The following CAMSAP1 variants were observed in gnomAD, a reference collection of about 807,000 sequenced individuals.
The protein encoded by CAMSAP1 is calmodulin-regulated spectrin-associated protein 1.
Under a neutral mutation model 143.5 loss-of-function variants are expected in CAMSAP1, and 58 were observed. That is an observed-to-expected ratio of 0.40 (90% confidence interval 0.33 to 0.50). CAMSAP1 has a LOEUF of 0.50. Ranked by LOEUF, CAMSAP1 falls within the 20% of genes least tolerant of loss-of-function variation. CAMSAP1 has a pLI of 0.45. For missense variants in CAMSAP1, 1,969 were observed against 2,115.7 expected (o/e 0.93, Z 1.36); for synonymous variants, 945 against 859.3 (o/e 1.10, Z -1.74).
intron 7 of CAMSAP1, among the ~76,000 whole-genome samples, chr9:135,845,918 T>C (rs1836531251): frequency 6.6e-6 from 1 of 152,032 alleles, no homozygotes; most frequent in African/African-American, 2.4e-5. Flanking sequence ...GAAGAATCAA[T>C]ATTGTGAAAA....
At chr9:135,819,255 A>C in intron 11 of CAMSAP1, 109 bp from the exon 12 acceptor site, 1 of 1,362,624 alleles carries the variant, frequency 7.3e-7, no homozygotes, top group Non-Finnish European at 9.7e-7. Context: ...AGTTTAACGC[A>C]TAAAGACTTC....
intron 5 of CAMSAP1, among the ~76,000 whole-genome samples, chr9:135,858,600 T>C (rs184642231): frequency 1.3e-5 from 2 of 152,332 alleles, no homozygotes; most frequent in East Asian, 3.9e-4. Context: ...ACAGAACCAG[T>C]AGGACATACG....
chr9:135,818,406 A>C lies in CAMSAP1; in HGVS notation c.4168+2T>G. On this transcript the variant is annotated splice_donor_variant, in intron 13 of 16. Transcript: ENST00000389532. LOFTEE classifies it high-confidence loss of function. The surrounding 1 kb of genome is among the most constrained non-coding windows in gnomAD (Gnocchi z 7.7). ...GCCCGCGTGAGGGCCGGGGCTGCTT[A>C]CGGGTGGAGGAGCACTTGGTGCCGG... The C allele has an allele frequency of 6.4e-7, 1 of 1,573,558 alleles. No individual in the cohort carries two copies. Among genetic ancestry groups the C allele is most frequent in the Non-Finnish European group, 8.6e-7 (1 of 1,165,608 alleles).
At chr9:135,862,683 T>A in intron 4 of CAMSAP1, 75 bp from the exon 5 acceptor site, 1 of 1,438,972 alleles carries the variant, frequency 6.9e-7, no homozygotes, top group Non-Finnish European at 9.5e-7. Flanking sequence ...GGCACACTGT[T>A]AGATCGAGAA....
chr9:135,850,207 C>G lies in CAMSAP1; in HGVS notation c.975G>C (p.Glu325Asp). ...LKPNVMVFIAELFWWFENVKP... is the reference protein window; with the variant it reads ...LKPNVMVFIADLFWWFENVKP... ...TGACATTCTCGAACCACCAAAAAAG[C>G]TCCGCAATAAAAACCATAACATTCG... is the stretch of plus-strand genomic sequence containing the variant. The change falls in exon 7 of 17, where the codon GAG becomes GAC. Residue 325 changes from glutamate to aspartate, a missense_variant. By Grantham distance (45) the Glu-to-Asp change is conservative. Coordinates refer to ENST00000389532, the MANE Select transcript of CAMSAP1 (RefSeq NM_015447.4). 6.2e-7 allele frequency: 1 copy of G among 1,612,998 alleles called. No homozygotes were observed. Among genetic ancestry groups the G allele is most frequent in the Non-Finnish European group, 8.5e-7 (1 of 1,179,518 alleles).
intron 7 of CAMSAP1, among the ~76,000 whole-genome samples, chr9:135,833,122 C>T (rs549244935): frequency 6.6e-6 from 1 of 150,832 alleles, no homozygotes; most frequent in South Asian, 2.1e-4. Flanking sequence ...CGCTCTGTCG[C>T]CCAGGCTGGA....
In CAMSAP1 at chr9:135,850,186, A is replaced by G. The variant is rs1266681996; in HGVS notation, c.996T>C (p.Asn332=). The G allele has an allele frequency of 2.5e-6, 4 of 1,612,788 alleles. No homozygotes were observed. In the Middle Eastern group the frequency reaches 4.9e-4, roughly 200 times the overall value. Reference sequence around the variant, plus strand: ...TGGGCTGAACAAAATCTGGCTTGACATTCTCGAACCACCAAAAAAGCTCCG... The same window carrying G: ...TGGGCTGAACAAAATCTGGCTTGACGTTCTCGAACCACCAAAAAAGCTCCG... ...FIAELFWWFE[N]VKPDFVQPRD... Residue 332 remains asparagine, a synonymous_variant, in exon 7 of 17, where the codon AAT becomes AAC. Transcript: ENST00000389532.
intron 2 of CAMSAP1, 113 bp from the exon 3 acceptor site, chr9:135,881,907 C>T: frequency 1.6e-6 from 2 of 1,283,524 alleles, no homozygotes; most frequent in East Asian, 5.1e-5. Context: ...ATCCCTCGCC[C>T]TTTCCGTCTG....
rs1835039827 is a variant in CAMSAP1, at chr9:135,811,269, A to G, written c.*40T>C. 6.3e-7 allele frequency: 1 copy of G among 1,589,210 alleles called. No individual in the cohort carries two copies. The highest frequency in any genetic ancestry group is 1.3e-5 in the African/African-American group (1 of 74,396). On this transcript the variant is annotated 3_prime_UTR_variant, in exon 17 of 17. Coordinates refer to ENST00000389532, the MANE Select transcript of CAMSAP1 (RefSeq NM_015447.4). This position sits in a 1 kb window ranked among gnomAD's most constrained non-coding sequence, Gnocchi z 4.9. ...GATGCCAGCCACAAGGGCATCATTT[A>G]CGAGTCTGGGTCACCCTTTGGACGC... is the stretch of plus-strand genomic sequence containing the variant.
At position 135,826,325 on chromosome 9, in the gene CAMSAP1, C is replaced by T. The variant is rs1835670669; in HGVS notation, c.1223+1082G>A. 1 of 152,340 alleles carries T rather than the reference C, an allele frequency of 6.6e-6. No individual in the cohort carries two copies. Among genetic ancestry groups the T allele is most frequent in the Non-Finnish European group, 1.5e-5 (1 of 68,162 alleles). The allele number at this position is 152,340 out of a possible 1,614,324, so 9.4% of individuals were successfully genotyped here. ...CCATTCTCCTCACTCAGTGACCCCG[C>T]CTGTGCCCGCGGGCATGGAGTTACC... On this transcript the variant is annotated intron_variant, in intron 8 of 16. Coordinates refer to ENST00000389532, the MANE Select transcript of CAMSAP1 (RefSeq NM_015447.4). The surrounding 1 kb of genome is among the most constrained non-coding windows in gnomAD (Gnocchi z 4.4).
chr9:135,890,916 C>A (rs1838270349), intron 1 of CAMSAP1, among the ~76,000 whole-genome samples: 1 of 152,216 alleles, frequency 6.6e-6, no homozygotes, highest in African/African-American at 2.4e-5. Flanking sequence ...CCCCTCTCTC[C>A]CGCTGACAAC....
At chr9:135,819,672 T>TA (rs55894826) in intron 11 of CAMSAP1, among the ~76,000 whole-genome samples, 37,409 of 104,412 alleles carry the variant, frequency 0.36, 6,762 homozygotes, top group African/African-American at 0.4. Flanking sequence ...TGTCTCCACT[T>TA]AAAAAAAAAA....
chr9:135,905,634 T>A (rs1220832848), intron 1 of CAMSAP1, among the ~76,000 whole-genome samples: 1 of 152,076 alleles, frequency 6.6e-6, no homozygotes, highest in Non-Finnish European at 1.5e-5. Flanking sequence ...CCTAAGAACG[T>A]AACGTGGGAT....
At chr9:135,866,113 A>G (rs777533623) in intron 4 of CAMSAP1, among the ~76,000 whole-genome samples, 5 of 152,228 alleles carry the variant, frequency 3.3e-5, no homozygotes, top group Non-Finnish European at 7.3e-5. Context: ...TTTCGAGGGC[A>G]TCTTTAGCAA....
In CAMSAP1 at chr9:135,808,974, A is replaced by G. The variant is rs897863294; in HGVS notation, c.*2335T>C. 9 of 152,234 alleles carry G rather than the reference A, an allele frequency of 5.9e-5. No homozygotes were observed. Among genetic ancestry groups the G allele is most frequent in the African/African-American group, 2.2e-4 (9 of 41,462 alleles). The allele number at this position is 152,234 out of a possible 1,614,324, so 9.4% of individuals were successfully genotyped here. On this transcript the variant is annotated 3_prime_UTR_variant, in exon 17 of 17. Coordinates refer to ENST00000389532, the MANE Select transcript of CAMSAP1 (RefSeq NM_015447.4). ...GGTTAGAATTCTGAGACACAACGAA[A>G]GTTGTGCAAGCTTTCCGCTGAAAGA... is the stretch of plus-strand genomic sequence containing the variant.
chr9:135,855,605 A>G (rs1415003120), intron 5 of CAMSAP1, among the ~76,000 whole-genome samples: 3 of 151,800 alleles, frequency 2.0e-5, no homozygotes, highest in Non-Finnish European at 4.4e-5. Flanking sequence ...GCCAGGTGTG[A>G]TGGTGCGTGA....
At chr9:135,867,472 C>T (rs1255188531) in intron 3 of CAMSAP1, among the ~76,000 whole-genome samples, 1 of 144,930 alleles carries the variant, frequency 6.9e-6, no homozygotes, top group Admixed American at 6.8e-5. Context: ...CAGCAAGACC[C>T]CCCTCTTTTT....
At chr9:135,843,442 G>A (rs1836436619) in intron 7 of CAMSAP1, among the ~76,000 whole-genome samples, 1 of 152,122 alleles carries the variant, frequency 6.6e-6, no homozygotes, top group South Asian at 2.1e-4. Flanking sequence ...AGGGATGGAG[G>A]AACATTTACC....
rs770936305 is a variant in CAMSAP1 at position 135,823,255 on chromosome 9, G to A, written c.1406C>T (p.Ala469Val). 7.8e-6 allele frequency: 12 copies of A among 1,545,394 alleles called. No homozygotes were observed. Among genetic ancestry groups the A allele is most frequent in the Middle Eastern group, 1.7e-4 (1 of 5,718 alleles). ...IAWPEKKTRP[A>V]SQPTPFALHH... is the part of the protein sequence containing the mutation. The stretch of plus-strand genomic sequence containing the variant: ...TAGAGCAAAAGGTGTTGGCTGGGAC[G>A]CAGGCCTGAAACACAGGGAAGGCCC... Residue 469 changes from alanine to valine, a missense_variant, in exon 11 of 17, where the codon GCG (alanine) becomes GTG (valine). Transcript: ENST00000389532.
Sources: gnomAD v4.1 joint callset for allele counts (sites outside exome capture counted in the v4.1 genomes callset) on GRCh38, gnomAD v4.1.1 for gene constraint, Gnocchi (gnomAD v3.1) non-coding constraint, MANE v1.5 for transcripts, NCBI Gene and HGNC (gene_info 2026-07-23, HGNC 2026-07-21) for gene names.